The following PDE7B variants were observed in gnomAD, a reference collection of about 807,000 sequenced individuals.
The protein encoded by PDE7B is phosphodiesterase 7B.
A neutral mutation model predicts 56.2 loss-of-function variants in PDE7B; 29 were observed. The ratio of observed to expected loss-of-function variants is 0.52; its 90% CI spans 0.38 to 0.70. The LOEUF (loss-of-function observed/expected upper bound fraction) is 0.70, where lower values mean the gene tolerates loss of function less well. Among genes scored for constraint, PDE7B ranks in the 30% least tolerant of loss-of-function variants. The pLI, the probability that PDE7B is intolerant of heterozygous loss-of-function variation, is 0.00. For synonymous variants in PDE7B, 197 were observed against 196.9 expected (o/e 1.00, Z 0.00); for missense variants, 490 against 565.0 (o/e 0.87, Z 1.35).
chr6:135,851,849 C>CA lies in PDE7B; in HGVS notation c.-150_-149insA. On this transcript the variant is annotated 5_prime_UTR_variant, in exon 1 of 13. Coordinates refer to ENST00000308191, the MANE Select transcript of PDE7B (RefSeq NM_018945.4). ...CTTTTGTGTTTCTTTATTTCTTTTC[C>CA]TTTTTTTTCTTTTTTTTTTTTTGTT... 1.6e-6 allele frequency: 1 copy of CA among 630,500 alleles called. No homozygotes were observed. The highest frequency in any genetic ancestry group is 2.8e-6 in the Non-Finnish European group (1 of 353,730). 39.1% of individuals were successfully genotyped at this position (630,500 alleles called of 1,614,324 possible).
chr6:136,020,591 A>AT (rs1776055468), intron 2 of PDE7B, among the ~76,000 whole-genome samples: 1 of 151,902 alleles, frequency 6.6e-6, no homozygotes, highest in African/African-American at 2.4e-5. Flanking sequence ...GGAGCATGCC[A>AT]TGTCCCAGAG....
chr6:136,063,846 C>G (rs775067591), intron 2 of PDE7B, among the ~76,000 whole-genome samples: 5 of 152,158 alleles, frequency 3.3e-5, no homozygotes, highest in Non-Finnish European at 7.3e-5. Context: ...CTTCAAGAAT[C>G]AGCCCTACCC....
intron 3 of PDE7B, among the ~76,000 whole-genome samples, chr6:136,140,578 G>A (rs9389371): frequency 0.44 from 67,314 of 152,006 alleles, 15,349 homozygotes; most frequent in African/African-American, 0.56. Flanking sequence ...CCATTTTCAC[G>A]ATATTGATTC....
At chr6:136,144,868 G>C (rs1228618401) in intron 3 of PDE7B, among the ~76,000 whole-genome samples, 1 of 152,104 alleles carries the variant, frequency 6.6e-6, no homozygotes, top group East Asian at 1.9e-4. Context: ...ATTACATTAG[G>C]AAGAGCATGA....
At position 135,851,857 on chromosome 6, in the gene PDE7B, TC is replaced by T; in HGVS notation, c.-141del. 6.2e-6 allele frequency: 4 copies of T among 645,596 alleles called. No homozygotes were observed. Among genetic ancestry groups the T allele is most frequent in the South Asian group, 1.9e-5 (1 of 51,412 alleles). 40.0% of individuals were successfully genotyped at this position (645,596 alleles called of 1,614,324 possible). On this transcript the variant is annotated 5_prime_UTR_variant, in exon 1 of 13. Coordinates refer to ENST00000308191, the MANE Select transcript of PDE7B (RefSeq NM_018945.4). ...TTTCTTTATTTCTTTTCCTTTTTTT[TC>T]TTTTTTTTTTTTTGTTACTTAATTA...
intron 2 of PDE7B, among the ~76,000 whole-genome samples, chr6:136,035,535 T>C (rs1033370127): frequency 1.3e-5 from 2 of 152,348 alleles, no homozygotes; most frequent in East Asian, 3.9e-4. Flanking sequence ...ATGACCTTTC[T>C]TGTGGTATTT....
intron 2 of PDE7B, among the ~76,000 whole-genome samples, chr6:135,998,696 C>T (rs1775611157): frequency 1.3e-5 from 2 of 151,712 alleles, no homozygotes; most frequent in Admixed American, 6.6e-5. Context: ...GCAGAGCTTG[C>T]AGTGAGCCGA....
chr6:135,890,484 CAT>C (rs956309855), intron 1 of PDE7B, among the ~76,000 whole-genome samples: 4 of 152,284 alleles, frequency 2.6e-5, no homozygotes, highest in African/African-American at 9.6e-5. Context: ...GGAGATAAAA[CAT>C]AAGGAATATG....
intron 2 of PDE7B, among the ~76,000 whole-genome samples, chr6:135,955,034 A>G (rs1449728393): frequency 1.3e-5 from 2 of 152,108 alleles, no homozygotes; most frequent in African/African-American, 4.8e-5. Flanking sequence ...AGTTAGCTTC[A>G]TTTTCTGTCT....
intron 11 of PDE7B, among the ~76,000 whole-genome samples, chr6:136,182,556 A>C (rs1779083390): frequency 1.3e-5 from 2 of 152,210 alleles, no homozygotes; most frequent in Admixed American, 1.3e-4. Context: ...ACTCTAGCCC[A>C]CTTGGTTTTG....
In PDE7B at chr6:135,851,849, CT is replaced by C. The variant is rs1171292597; in HGVS notation, c.-142del. 1.3e-5 allele frequency: 8 copies of C among 630,450 alleles called. No homozygotes were observed. Among genetic ancestry groups the C allele is most frequent in the Admixed American group, 2.5e-5 (1 of 39,906 alleles). The allele number at this position is 630,450 out of a possible 1,614,324, so 39.1% of individuals were successfully genotyped here. A position where few individuals can be genotyped will look rare whatever the true frequency, so the allele number is the denominator to read the frequency against. ...CTTTTGTGTTTCTTTATTTCTTTTCCTTTTTTTTCTTTTTTTTTTTTTGTTA... is the reference window on the plus strand; with the variant it reads ...CTTTTGTGTTTCTTTATTTCTTTTCCTTTTTTTCTTTTTTTTTTTTTGTTA... On this transcript the variant is annotated 5_prime_UTR_variant, in exon 1 of 13. Transcript: ENST00000308191.
rs9385751 is a variant in PDE7B, at chr6:135,970,980, G to T, written c.82+23456G>T. Among the ~76,000 whole-genome samples the T allele has an allele frequency of 7.4e-3, 1,120 of 152,146 alleles. 55 individuals carry two copies. In the East Asian group the frequency reaches 0.14, roughly 19 times the overall value. ...GCTGAGATGGGAAGAGGAGGGTAAG[G>T]GATAGTGGATGGCATGGCAGCAGAG... On this transcript the variant is annotated intron_variant, in intron 2 of 12. Coordinates refer to ENST00000308191, the MANE Select transcript of PDE7B (RefSeq NM_018945.4).
chr6:136,066,719 A>G (rs1196662392), intron 2 of PDE7B, among the ~76,000 whole-genome samples: 3 of 152,206 alleles, frequency 2.0e-5, no homozygotes, highest in Non-Finnish European at 4.4e-5. Flanking sequence ...AAAAAGTTGA[A>G]TATCACTTAG....
At chr6:136,048,082 A>AGATAGATAGTGGATGGGTGGATG (rs542273319) in intron 2 of PDE7B, among the ~76,000 whole-genome samples, 1 of 128,970 alleles carries the variant, frequency 7.8e-6, no homozygotes, top group Non-Finnish European at 1.8e-5. Flanking sequence ...GTGGATGGAT[A>AGATAGATAGTGGATGGGTGGATG]GATAGATAGA....
chr6:135,947,599 G>T, intron 2 of PDE7B, 75 bp downstream of exon 2: 3 of 1,118,446 alleles, frequency 2.7e-6, no homozygotes, highest in Non-Finnish European at 4.1e-6. Context: ...TGCCTTTTTG[G>T]CTGTCTCTCA....
chr6:136,070,641 C>T (rs1475286877), intron 2 of PDE7B, among the ~76,000 whole-genome samples: 2 of 152,014 alleles, frequency 1.3e-5, no homozygotes, highest in Non-Finnish European at 2.9e-5. Flanking sequence ...ATTTAAAAAA[C>T]ATTGAAAATT....
chr6:136,088,646 G>T (rs1777332917), intron 2 of PDE7B, among the ~76,000 whole-genome samples: 1 of 152,182 alleles, frequency 6.6e-6, no homozygotes, highest in Admixed American at 6.5e-5. Context: ...TAGAATAGCA[G>T]TTGCTTAGGG....
intron 1 of PDE7B, 85 bp downstream of exon 1, chr6:135,852,104 G>A: frequency 2.2e-6 from 2 of 908,174 alleles, no homozygotes; most frequent in Non-Finnish European, 3.7e-6. Flanking sequence ...TATTTAAAAT[G>A]AACCTGTACA....
intron 2 of PDE7B, among the ~76,000 whole-genome samples, chr6:136,076,244 G>C (rs568370202): frequency 1.7e-4 from 26 of 152,304 alleles, no homozygotes; most frequent in African/African-American, 6.3e-4. Flanking sequence ...GCCAATGCAG[G>C]TGGATCACTT....
Sources: allele counts gnomAD v4.1 joint callset (sites outside exome capture counted in the v4.1 genomes callset), GRCh38; gene constraint gnomAD v4.1.1; transcripts MANE v1.5; gene names NCBI Gene and HGNC (gene_info 2026-07-23, HGNC 2026-07-21).